The following PBX1 variants were observed in gnomAD, a reference collection of about 807,000 sequenced individuals.
PBX1 encodes the protein PBX homeobox 1.
PBX1 carries 6 observed loss-of-function variants against 53.4 expected under a neutral mutation model. The ratio of observed to expected loss-of-function variants is 0.11; its 90% CI spans 0.06 to 0.22. The LOEUF is 0.22. Ranked by LOEUF, PBX1 falls within the 10% of genes least tolerant of loss-of-function variation. The pLI, the probability that PBX1 is intolerant of heterozygous loss-of-function variation, is 1.00. For missense variants in PBX1, 251 were observed against 551.4 expected (o/e 0.46, Z 5.46); for synonymous variants, 204 against 212.3 (o/e 0.96, Z 0.34).
intron 2 of PBX1, among the ~76,000 whole-genome samples, chr1:164,640,281 A>G (rs1659039470): frequency 6.6e-6 from 1 of 152,112 alleles, no homozygotes; most frequent in Non-Finnish European, 1.5e-5. Context: ...AAATGGGGGA[A>G]GGCCTTGGGT....
At chr1:164,875,988 G>GTGTGTATATATATATATATATA (rs776802784) in intron 2 of PBX1, among the ~76,000 whole-genome samples, 1 of 56,938 alleles carries the variant, frequency 1.8e-5, no homozygotes, top group African/African-American at 4.2e-5. Flanking sequence ...TGGTGTATGT[G>GTGTGTATATATATATATATATA]TATATATATA....
At chr1:164,879,052 C>T (rs1446147147) in intron 2 of PBX1, among the ~76,000 whole-genome samples, 1 of 152,180 alleles carries the variant, frequency 6.6e-6, no homozygotes, top group Non-Finnish European at 1.5e-5. Flanking sequence ...GTGTACTCAT[C>T]CCAAATCTGG....
rs1672446248 is a variant in PBX1, at chr1:164,874,089, G to A, written n.258-25099G>A. 2.6e-5 allele frequency among the ~76,000 whole-genome samples: 4 copies of A among 151,784 alleles called. No homozygotes were observed. The South Asian group carries it at 8.3e-4, about 32-fold the overall frequency. On this transcript the variant is annotated intron_variant and non_coding_transcript_variant, in intron 2 of 2. Coordinates refer to the PBX1 transcript ENST00000558796. Reference sequence around the variant, plus strand: ...TTCTGATTGTTGGCTTGAAAACAAAGACCTTTGCAGGTGAGCAGCTGATAA... The same window carrying A: ...TTCTGATTGTTGGCTTGAAAACAAAAACCTTTGCAGGTGAGCAGCTGATAA...
At chr1:164,867,011 G>C (rs1347622242) in intron 2 of PBX1, among the ~76,000 whole-genome samples, 2 of 152,138 alleles carry the variant, frequency 1.3e-5, no homozygotes, top group Admixed American at 1.3e-4. Flanking sequence ...ATAGAGACTG[G>C]ATTAAAGAGA....
intron 2 of PBX1, among the ~76,000 whole-genome samples, chr1:164,751,704 C>T (rs1472604496): frequency 1.3e-5 from 2 of 151,476 alleles, no homozygotes; most frequent in African/African-American, 4.9e-5. Flanking sequence ...GCCTCCGCCT[C>T]CCGAGTAGCT....
chr1:164,753,301 T>A (rs1446260610), intron 2 of PBX1, among the ~76,000 whole-genome samples: 1 of 152,216 alleles, frequency 6.6e-6, no homozygotes, highest in Non-Finnish European at 1.5e-5. Context: ...AAAAAATAAT[T>A]ATCATGAGTT....
chr1:164,767,435 T>G (rs974278679), intron 2 of PBX1, among the ~76,000 whole-genome samples: 1 of 152,152 alleles, frequency 6.6e-6, no homozygotes, highest in Non-Finnish European at 1.5e-5. Flanking sequence ...GAGAGTGCGC[T>G]GGAGGCATAT....
At chr1:164,870,506 G>T (rs957564550) in intron 2 of PBX1, among the ~76,000 whole-genome samples, 1 of 151,792 alleles carries the variant, frequency 6.6e-6, no homozygotes, top group African/African-American at 2.4e-5. Context: ...ACCATGCCCA[G>T]CTAATTTTTG....
chr1:164,768,596 A>ATGTGAAACCCAG, intron 2 of PBX1, among the ~76,000 whole-genome samples: 2 of 152,342 alleles, frequency 1.3e-5, no homozygotes, highest in South Asian at 2.1e-4. Context: ...TCCCGATAGA[A>ATGTGAAACCCAG]TGGTTCCAGC....
chr1:164,613,921 G>C (rs932281880), intron 2 of PBX1, among the ~76,000 whole-genome samples: 2 of 151,894 alleles, frequency 1.3e-5, no homozygotes, highest in South Asian at 4.2e-4. Context: ...ATCCCAGTAT[G>C]CACCGAGAAC....
chr1:164,588,833 G>A (rs1655146982), intron 2 of PBX1, among the ~76,000 whole-genome samples: 4 of 152,066 alleles, frequency 2.6e-5, no homozygotes, highest in Non-Finnish European at 2.9e-5. Context: ...TTATCCCTCC[G>A]CCCCCACCAT....
At chr1:164,686,615 A>G (rs1307625454) in intron 2 of PBX1, among the ~76,000 whole-genome samples, 2 of 152,204 alleles carry the variant, frequency 1.3e-5, no homozygotes, top group African/African-American at 4.8e-5. Flanking sequence ...AAGTGAATCA[A>G]TGGGAGACAC....
intron 5 of PBX1, among the ~76,000 whole-genome samples, chr1:164,811,642 C>G (rs958682977): frequency 1.3e-5 from 2 of 152,124 alleles, no homozygotes; most frequent in African/African-American, 4.8e-5. Context: ...GGGCATTTCT[C>G]CTGAAATGTT....
intron 2 of PBX1, among the ~76,000 whole-genome samples, chr1:164,672,022 G>A (rs2635032): frequency 0.7 from 105,012 of 149,776 alleles, 40,472 homozygotes; most frequent in Non-Finnish European, 0.85. Context: ...TCTTACTCTG[G>A]TTGTTTTTCT....
intron 2 of PBX1, among the ~76,000 whole-genome samples, chr1:164,760,571 C>A (rs1666758341): frequency 1.3e-5 from 2 of 152,040 alleles, no homozygotes; most frequent in African/African-American, 4.8e-5. Context: ...AAAACAACAA[C>A]AATAAAAAAC....
At chr1:164,873,468 T>A (rs911748406) in intron 2 of PBX1, among the ~76,000 whole-genome samples, 2 of 152,264 alleles carry the variant, frequency 1.3e-5, no homozygotes, top group Admixed American at 1.3e-4. Context: ...TTTCATGAAT[T>A]CATGCTGGCC....
In PBX1 at chr1:164,827,445, G is replaced by A. The variant is rs545899560; in HGVS notation, c.1200+5819G>A. On this transcript the variant is annotated intron_variant, in intron 8 of 8. Coordinates refer to ENST00000420696, the MANE Select transcript of PBX1 (RefSeq NM_002585.4). ...ACAGCCCCAAAACTGAGGGGTAAAG[G>A]TACCAAGGAAAATCGAGGGGTCTGA... Among the ~76,000 whole-genome samples, 27 of 152,302 alleles carry A rather than the reference G, an allele frequency of 1.8e-4. 1 individual carries two copies. The highest frequency in any genetic ancestry group is 1.4e-3 in the Admixed American group (21 of 15,310).
rs943164278 is a variant in PBX1, at chr1:164,559,574, C to T, written c.-249C>T. 21 of 409,094 alleles carry T rather than the reference C, an allele frequency of 5.1e-5. No homozygotes were observed. The highest frequency in any genetic ancestry group is 8.6e-5 in the Non-Finnish European group (20 of 232,998). The allele number at this position is 409,094 out of a possible 1,614,324, so 25.3% of individuals were successfully genotyped here. ...TTTTGGAGTCAACACCCTTCCCCAC[C>T]AGCCCTTATCCCCACCCTCACCCCG... On this transcript the variant is annotated 5_prime_UTR_variant, in exon 1 of 9. Transcript: ENST00000420696.
chr1:164,583,403 C>T (rs1250885651), intron 2 of PBX1, among the ~76,000 whole-genome samples: 1 of 152,074 alleles, frequency 6.6e-6, no homozygotes, highest in Admixed American at 6.6e-5. Context: ...CATTCCTGGG[C>T]TAACTAACCC....
Sources: gnomAD v4.1 joint callset for allele counts (sites outside exome capture counted in the v4.1 genomes callset) on GRCh38, gnomAD v4.1.1 for gene constraint, MANE v1.5 for transcripts, NCBI Gene and HGNC (gene_info 2026-07-23, HGNC 2026-07-21) for gene names.